Variants in CD200 observed in about 807,000 individuals in gnomAD.
CD200 encodes OX-2 membrane glycoprotein.
Under a neutral mutation model 30.9 loss-of-function variants are expected in CD200, and 15 were observed. That is an observed-to-expected ratio of 0.49 (90% CI 0.32 to 0.75). The LOEUF (loss-of-function observed/expected upper bound fraction) is 0.75, where lower values mean the gene tolerates loss of function less well. Among genes scored for constraint, CD200 ranks in the 30% least tolerant of loss-of-function variants. The probability of loss-of-function intolerance (pLI) is 0.03; values close to 1 mark genes in which losing one functional copy is unlikely to be tolerated. For synonymous variants in CD200, 134 were observed against 126.2 expected (o/e 1.06, Z -0.41); for missense variants, 262 against 324.2 (o/e 0.81, Z 1.47).
At chr3:112,345,347 G>T in intron 3 of CD200, 59 bp downstream of exon 3, 2 of 1,409,308 alleles carry the variant, frequency 1.4e-6, no homozygotes, top group Non-Finnish European at 2.0e-6. Flanking sequence ...AGAATGTTTG[G>T]AATATAGCCG....
intron 2 of CD200, among the ~76,000 whole-genome samples, chr3:112,342,361 CTTT>C (rs2081276250): frequency 5.0e-5 from 1 of 19,834 alleles, no homozygotes; most frequent in African/African-American, 1.8e-4. Flanking sequence ...TTCTTTCTTT[CTTT>C]CTTTCTTTCT....
chr3:112,345,591 C>G (rs1161798113), intron 3 of CD200, among the ~76,000 whole-genome samples: 1 of 152,194 alleles, frequency 6.6e-6, no homozygotes, highest in African/African-American at 2.4e-5. Context: ...CCTGGCTTTG[C>G]CACTAGCAAT....
chr3:112,362,413 T>C lies in CD200; in HGVS notation c.*863T>C, dbSNP rs1413489625. On this transcript the variant is annotated 3_prime_UTR_variant, in exon 6 of 6. Coordinates refer to ENST00000315711, the MANE Select transcript of CD200 (RefSeq NM_005944.7). ...TTACGTCATTCTAAATTCAGCCTCATATAATGAAAATACATTATGAAAACA... is the reference window on the plus strand; with the variant it reads ...TTACGTCATTCTAAATTCAGCCTCACATAATGAAAATACATTATGAAAACA... 1.3e-5 allele frequency: 2 copies of C among 152,636 alleles called. No homozygotes were observed. The highest frequency in any genetic ancestry group is 4.8e-5 in the African/African-American group (2 of 41,588). 9.5% of individuals were successfully genotyped at this position (152,636 alleles called of 1,614,324 possible).
chr3:112,348,877 CT>C (rs35109178), intron 4 of CD200, among the ~76,000 whole-genome samples: 6 of 149,990 alleles, frequency 4.0e-5, no homozygotes, highest in African/African-American at 4.9e-5. Flanking sequence ...AAAAGAATGT[CT>C]TTTTTTTTTC....
rs1559783030 is a variant in CD200, at chr3:112,342,325, CTTTCTTTCTTTCCTTCTTTCT to C, written c.94+1345_94+1365del. Among the ~76,000 whole-genome samples the C allele has an allele frequency of 4.1e-3, 107 of 26,062 alleles. 16 individuals are homozygous for C. The highest frequency in any genetic ancestry group is 9.3e-3 in the African/African-American group (53 of 5,712). The allele number at this position is 26,062 out of a possible 152,430, so 17.1% of individuals were successfully genotyped here. ...TCCTTCCTTTCTTCTTTCTTTCTTT[CTTTCTTTCTTTCCTTCTTTCT>C]TTCTTTCTTTCTTTCTTTCTTTCTT... On this transcript the variant is annotated intron_variant, in intron 2 of 5. Coordinates refer to ENST00000315711, the MANE Select transcript of CD200 (RefSeq NM_005944.7).
chr3:112,335,587 G>GT (rs1037081997), intron 1 of CD200, among the ~76,000 whole-genome samples: 9 of 152,200 alleles, frequency 5.9e-5, no homozygotes, highest in African/African-American at 2.2e-4. Context: ...GAGAGTCTAA[G>GT]TGATTGGTTC....
chr3:112,348,363 C>T (rs2081451376), intron 4 of CD200, among the ~76,000 whole-genome samples: 1 of 152,204 alleles, frequency 6.6e-6, no homozygotes, highest in Non-Finnish European at 1.5e-5. Flanking sequence ...ATAATCTACA[C>T]TGTGAGAAAG....
intron 5 of CD200, among the ~76,000 whole-genome samples, chr3:112,355,813 AAT>A (rs999058397): frequency 2.0e-5 from 3 of 152,168 alleles, no homozygotes; most frequent in African/African-American, 2.4e-5. Context: ...CAGAGCTAAA[AAT>A]ATATATATTT....
intron 3 of CD200, among the ~76,000 whole-genome samples, chr3:112,346,722 C>T (rs1021840794): frequency 1.8e-4 from 27 of 152,178 alleles, no homozygotes; most frequent in African/African-American, 6.5e-4. Context: ...TTAGCACTGC[C>T]ATTTAATTAT....
chr3:112,339,434 T>G (rs1287811433), intron 1 of CD200, among the ~76,000 whole-genome samples: 1 of 152,144 alleles, frequency 6.6e-6, no homozygotes. Context: ...GGGAGATAAA[T>G]ATTTTGTAGG....
intron 5 of CD200, among the ~76,000 whole-genome samples, chr3:112,353,452 A>C (rs936938926): frequency 6.6e-6 from 1 of 152,084 alleles, no homozygotes; most frequent in Non-Finnish European, 1.5e-5. Context: ...TTTCATCTGC[A>C]TGAGCTGTAT....
intron 1 of CD200, among the ~76,000 whole-genome samples, chr3:112,338,761 CACA>C (rs201014244): frequency 2.2e-5 from 3 of 137,358 alleles, no homozygotes; most frequent in Non-Finnish European, 4.6e-5. Flanking sequence ...GGTAATTCCT[CACA>C]ACGATTTGGT....
At chr3:112,335,917 A>G (rs755082515) in intron 1 of CD200, 2 of 1,536,786 alleles carry the variant, frequency 1.3e-6, no homozygotes, top group Non-Finnish European at 1.8e-6. Context: ...TCTAATTTTT[A>G]TCATCTCATT....
chr3:112,354,308 G>C (rs2081588085), intron 5 of CD200, among the ~76,000 whole-genome samples: 1 of 152,194 alleles, frequency 6.6e-6, no homozygotes, highest in Admixed American at 6.5e-5. Context: ...GCTTTTCAAG[G>C]AGATTAGCTG....
intron 5 of CD200, among the ~76,000 whole-genome samples, chr3:112,350,499 T>C (rs1456503538): frequency 1.3e-5 from 2 of 152,216 alleles, no homozygotes; most frequent in Non-Finnish European, 2.9e-5. Flanking sequence ...CAGTCTAAGA[T>C]ATTGTGAGAA....
At chr3:112,342,217 G>A (rs1447967971) in intron 2 of CD200, among the ~76,000 whole-genome samples, 2 of 151,756 alleles carry the variant, frequency 1.3e-5, no homozygotes, top group African/African-American at 4.8e-5. Context: ...TCATTTTTAA[G>A]TATCTCTTCT....
At chr3:112,347,115 T>C (rs1157526246) in intron 3 of CD200, among the ~76,000 whole-genome samples, 1 of 152,222 alleles carries the variant, frequency 6.6e-6, no homozygotes, top group East Asian at 1.9e-4. Flanking sequence ...AAAACTGCCC[T>C]AGTGCCTCTG....
intron 2 of CD200, among the ~76,000 whole-genome samples, chr3:112,342,397 CT>C (rs1174655239): frequency 1.9e-5 from 1 of 53,644 alleles, no homozygotes; most frequent in Admixed American, 2.3e-4. Flanking sequence ...TTCTTTCTTT[CT>C]TTCTTTCTTT....
At chr3:112,347,871 TGCATGGACCTGG>T in intron 4 of CD200, 41 bp downstream of exon 4, 1 of 1,573,238 alleles carries the variant, frequency 6.4e-7, no homozygotes, top group Non-Finnish European at 8.7e-7. Context: ...TGTGTCTGTG[TGCATGGACCTGG>T]AAGGCAGTGA....
Sources: allele counts gnomAD v4.1 joint callset (sites outside exome capture counted in the v4.1 genomes callset), GRCh38; gene constraint gnomAD v4.1.1; transcripts MANE v1.5; gene names NCBI Gene and HGNC (gene_info 2026-07-23, HGNC 2026-07-21).